PLCB1: variants seen among roughly 807,000 people sequenced by gnomAD.
PLCB1 encodes the protein phospholipase C beta 1.
PLCB1 carries 46 observed loss-of-function variants against 161.8 expected under a neutral mutation model. The observed-to-expected ratio is 0.28, with a 90% CI of 0.22 to 0.36. The LOEUF is 0.36. Among genes scored for constraint, PLCB1 ranks in the 10% least tolerant of loss-of-function variants. PLCB1 has a pLI of 1.00. For synonymous variants in PLCB1, 517 were observed against 503.7 expected (o/e 1.03, Z -0.35); for missense variants, 1,016 against 1,472.5 (o/e 0.69, Z 5.07).
intron 31 of PLCB1, among the ~76,000 whole-genome samples, chr20:8,803,270 G>A (rs1273293958): frequency 1.3e-5 from 2 of 151,824 alleles, no homozygotes; most frequent in African/African-American, 4.8e-5. Context: ...AGCTCCCAGG[G>A]GATGTTGATG....
intron 3 of PLCB1, among the ~76,000 whole-genome samples, chr20:8,404,914 G>A (rs1978718846): frequency 6.6e-6 from 1 of 152,108 alleles, no homozygotes; most frequent in African/African-American, 2.4e-5. Flanking sequence ...ATCCAGATTA[G>A]CAAAATGAGC....
intron 5 of PLCB1, among the ~76,000 whole-genome samples, chr20:8,647,523 A>C (rs1989201084): frequency 6.6e-6 from 1 of 152,260 alleles, no homozygotes; most frequent in Non-Finnish European, 1.5e-5. Context: ...TAGAGTTCTC[A>C]TTCTGAGAAT....
At chr20:8,753,141 C>G (rs780903047) in intron 23 of PLCB1, among the ~76,000 whole-genome samples, 28 of 152,002 alleles carry the variant, frequency 1.8e-4, no homozygotes, top group Non-Finnish European at 3.8e-4. Flanking sequence ...TTCCCATCAC[C>G]CCCAAATGGG....
At chr20:8,493,398 T>A (rs1270121355) in intron 3 of PLCB1, among the ~76,000 whole-genome samples, 1 of 152,196 alleles carries the variant, frequency 6.6e-6, no homozygotes, top group African/African-American at 2.4e-5. Context: ...CAAATTTAAT[T>A]TTCATGAATT....
chr20:8,368,010 C>T (rs1363860291), intron 2 of PLCB1, among the ~76,000 whole-genome samples: 2 of 152,108 alleles, frequency 1.3e-5, no homozygotes, highest in South Asian at 2.1e-4. Flanking sequence ...CAGTGCCCTG[C>T]GGTGGTTTTC....
At position 8,562,357 on chromosome 20, in the gene PLCB1, G is replaced by A. The variant is rs574595342; in HGVS notation, c.247-65937G>A. ...TCAGCGGTCCTAATGTTTGGTCGTG[G>A]TTAAGAGCTGCTGCTTTACAGTAAG... On this transcript the variant is annotated intron_variant, in intron 3 of 31. Coordinates refer to ENST00000338037, the MANE Select transcript of PLCB1 (RefSeq NM_015192.4). Among the ~76,000 whole-genome samples, 7 of 152,184 alleles carry A rather than the reference G, an allele frequency of 4.6e-5. No homozygotes were observed. In the South Asian group the frequency reaches 1.4e-3, roughly 32 times the overall value.
At chr20:8,251,994 A>G (rs957463170) in intron 2 of PLCB1, among the ~76,000 whole-genome samples, 8 of 151,948 alleles carry the variant, frequency 5.3e-5, no homozygotes, top group African/African-American at 1.9e-4. Context: ...GAAGCCCTGA[A>G]GGACCTAGGT....
At chr20:8,494,014 A>T (rs113811807) in intron 3 of PLCB1, among the ~76,000 whole-genome samples, 38 of 121,798 alleles carry the variant, frequency 3.1e-4, no homozygotes, top group African/African-American at 5.6e-4. Flanking sequence ...GCTGTGTGCT[A>T]TAGCATCACT....
rs1023330264 is a variant in PLCB1 at position 8,774,666 on chromosome 20, C to T, written c.3058C>T (p.Arg1020Trp). Residue 1020 changes from arginine to tryptophan, a missense_variant, in exon 27 of 32, where the codon CGG (arginine) becomes TGG (tryptophan). By Grantham distance (101) the Arg-to-Trp change is moderately radical. Transcript: ENST00000338037. ...DKQQQQLLNL[R>W]QEQYYSEKYQ... ...ACAACAGCAGCAGCTGCTTAATCTT[C>T]GGCAAGAACAGTATTATAGTGAAAA... 6.2e-7 allele frequency: 1 copy of T among 1,613,774 alleles called. No individual in the cohort carries two copies. Among genetic ancestry groups the T allele is most frequent in the Non-Finnish European group, 8.5e-7 (1 of 1,179,740 alleles).
chr20:8,210,159 A>G (rs1369200036), intron 2 of PLCB1, among the ~76,000 whole-genome samples: 4 of 152,156 alleles, frequency 2.6e-5, no homozygotes, highest in African/African-American at 7.2e-5. Context: ...AAATGAGACC[A>G]TCTTTTCAAA....
chr20:8,150,160 A>T, intron 1 of PLCB1, 134 bp from the exon 2 acceptor site: 1 of 441,504 alleles, frequency 2.3e-6, no homozygotes, highest in Non-Finnish European at 4.1e-6. Flanking sequence ...TGCCATGTCT[A>T]ATTTCTTTTG....
Position 8,603,562 on chromosome 20 carries a change from C to G in PLCB1, c.247-24732C>G, listed in dbSNP as rs1987664322. 2.0e-5 allele frequency among the ~76,000 whole-genome samples: 3 copies of G among 152,334 alleles called. No individual in the cohort carries two copies. The South Asian group carries it at 6.2e-4, about 32-fold the overall frequency. On this transcript the variant is annotated intron_variant, in intron 3 of 31. Transcript: ENST00000338037. The stretch of plus-strand genomic sequence containing the variant: ...TCTAAATTCACAGATCAGTGTTTCT[C>G]TCAGTCCCTAGACCAGCAACATCAG...
At chr20:8,265,674 G>T (rs993109757) in intron 2 of PLCB1, among the ~76,000 whole-genome samples, 1 of 152,056 alleles carries the variant, frequency 6.6e-6, no homozygotes, top group African/African-American at 2.4e-5. Flanking sequence ...CAGAATGGTG[G>T]AACATAAATA....
intron 3 of PLCB1, among the ~76,000 whole-genome samples, chr20:8,376,704 G>A (rs1010452970): frequency 5.9e-5 from 9 of 152,208 alleles, no homozygotes; most frequent in Middle Eastern, 3.4e-3. Context: ...TGAGGCGGGC[G>A]GATCACGAGG....
At chr20:8,424,227 G>T (rs939684694) in intron 3 of PLCB1, among the ~76,000 whole-genome samples, 1 of 152,120 alleles carries the variant, frequency 6.6e-6, no homozygotes, top group African/African-American at 2.4e-5. Context: ...GCCACACAGA[G>T]CAGAGCAAGA....
At position 8,346,721 on chromosome 20, in the gene PLCB1, A is replaced by G. The variant is rs73591737; in HGVS notation, c.178-24661A>G. On this transcript the variant is annotated intron_variant, in intron 2 of 31. Transcript: ENST00000338037. ...ATAAATCCATTGACTTTTTGAGTGA[A>G]AAGCCTCTCCCTGTCCCAAGAGCTC... Among the ~76,000 whole-genome samples the G allele has an allele frequency of 2.5e-3, 379 of 152,302 alleles. 2 individuals are homozygous for G. The highest frequency in any genetic ancestry group is 8.7e-3 in the African/African-American group (360 of 41,560).
chr20:8,610,968 G>T (rs533933675), intron 3 of PLCB1, among the ~76,000 whole-genome samples: 14 of 151,996 alleles, frequency 9.2e-5, no homozygotes, highest in African/African-American at 2.9e-4. Flanking sequence ...TATGAAATTT[G>T]CTAATTTAAA....
At chr20:8,632,668 G>GA (rs1192710388) in intron 4 of PLCB1, among the ~76,000 whole-genome samples, 1 of 152,142 alleles carries the variant, frequency 6.6e-6, no homozygotes, top group Non-Finnish European at 1.5e-5. Context: ...AATAAGTCAG[G>GA]AGGATGTCTG....
rs112345146 is a variant in PLCB1 at position 8,495,439 on chromosome 20, C to A, written c.246+123989C>A. On this transcript the variant is annotated intron_variant, in intron 3 of 31. Coordinates refer to ENST00000338037, the MANE Select transcript of PLCB1 (RefSeq NM_015192.4). ...TTGAGACGGAGTCTCGCTGTGTCGC[C>A]CAGGATGGGGTGCAGTGGTGCCATC... Among the ~76,000 whole-genome samples the A allele has an allele frequency of 9.4e-3, 1,280 of 136,392 alleles. 28 individuals are homozygous for A. Among genetic ancestry groups the A allele is most frequent in the African/African-American group, 0.034 (1,206 of 35,716 alleles). The allele number at this position is 136,392 out of a possible 152,430, so 89.5% of individuals were successfully genotyped here.
Sources: gnomAD v4.1 joint callset for allele counts (sites outside exome capture counted in the v4.1 genomes callset) on GRCh38, gnomAD v4.1.1 for gene constraint, MANE v1.5 for transcripts, NCBI Gene and HGNC (gene_info 2026-07-23, HGNC 2026-07-21) for gene names.